Variants in CNTNAP2 observed in about 807,000 individuals in gnomAD.
The protein encoded by CNTNAP2 is contactin-associated protein-like 2.
In CNTNAP2, 98 loss-of-function variants were observed where a neutral mutation model predicts 155.2. The observed-to-expected ratio is 0.63, with a 90% CI of 0.54 to 0.75. The LOEUF (loss-of-function observed/expected upper bound fraction) is 0.75, where lower values mean the gene tolerates loss of function less well. Ranked by LOEUF, CNTNAP2 falls within the 30% of genes least tolerant of loss-of-function variation. The pLI, the probability that CNTNAP2 is intolerant of heterozygous loss-of-function variation, is 0.00. For synonymous variants in CNTNAP2, 651 were observed against 631.2 expected, an observed-to-expected ratio of 1.03 and a Z score of -0.47; for missense variants, 1,727 against 1,688.1, an observed-to-expected ratio of 1.02 and a Z score of -0.40.
At chr7:147,245,228 T>C (rs868544050) in intron 8 of CNTNAP2, among the ~76,000 whole-genome samples, 1 of 152,114 alleles carries the variant, frequency 6.6e-6, no homozygotes, top group African/African-American at 2.4e-5. Flanking sequence ...AATCATGCCA[T>C]TAAATGAGAG....
At chr7:146,757,915 A>T (rs373302412) in intron 1 of CNTNAP2, among the ~76,000 whole-genome samples, 10 of 151,890 alleles carry the variant, frequency 6.6e-5, no homozygotes, top group Non-Finnish European at 1.0e-4. Flanking sequence ...TCCATTTCCT[A>T]TTTACTTCTG....
intron 1 of CNTNAP2, among the ~76,000 whole-genome samples, chr7:146,219,437 A>G (rs1203892418): frequency 6.6e-6 from 1 of 152,240 alleles, no homozygotes; most frequent in Non-Finnish European, 1.5e-5. Context: ...ACACTTCACT[A>G]TAACTAAGTT....
chr7:147,801,475 C>G (rs1797984295), intron 13 of CNTNAP2, among the ~76,000 whole-genome samples: 1 of 151,862 alleles, frequency 6.6e-6, no homozygotes, highest in Admixed American at 6.6e-5. Context: ...CTGCGGCCTT[C>G]CGCAGTGTTT....
chr7:148,284,610 T>G (rs1310906447), intron 21 of CNTNAP2, among the ~76,000 whole-genome samples: 1 of 151,140 alleles, frequency 6.6e-6, no homozygotes, highest in African/African-American at 2.4e-5. Flanking sequence ...GTCTTCTCCT[T>G]CTGGTTTGTG....
chr7:147,264,125 A>C (rs905574364), intron 8 of CNTNAP2, among the ~76,000 whole-genome samples: 5 of 152,174 alleles, frequency 3.3e-5, no homozygotes, highest in Admixed American at 1.3e-4. Flanking sequence ...TGTTTTGAAA[A>C]GGTCAGACAA....
intron 4 of CNTNAP2, among the ~76,000 whole-genome samples, chr7:147,068,784 G>T (rs1462636890): frequency 1.3e-5 from 2 of 152,204 alleles, no homozygotes; most frequent in African/African-American, 4.8e-5. Context: ...CTTCAGAACT[G>T]CCAAATCATC....
chr7:148,144,853 C>G (rs1011680120), intron 16 of CNTNAP2, among the ~76,000 whole-genome samples: 2 of 152,116 alleles, frequency 1.3e-5, no homozygotes, highest in African/African-American at 4.8e-5. Flanking sequence ...TATGCTGTCT[C>G]CCTTTTATTC....
chr7:146,773,166 A>G (rs189857122), intron 1 of CNTNAP2, among the ~76,000 whole-genome samples: 49 of 152,306 alleles, frequency 3.2e-4, no homozygotes, highest in African/African-American at 1.2e-3. Context: ...AAAATGAGAA[A>G]GATCCATCAA....
intron 8 of CNTNAP2, among the ~76,000 whole-genome samples, chr7:147,267,146 T>G (rs1804630265): frequency 6.6e-6 from 1 of 152,206 alleles, no homozygotes; most frequent in Non-Finnish European, 1.5e-5. Flanking sequence ...AAAAAGTCAT[T>G]TAGAATAAAT....
intron 19 of CNTNAP2, among the ~76,000 whole-genome samples, chr7:148,223,934 T>C (rs376539440): frequency 2.0e-5 from 3 of 152,212 alleles, no homozygotes; most frequent in South Asian, 4.1e-4. Flanking sequence ...TGCCGGTTCC[T>C]CCGACCTCTA....
intron 13 of CNTNAP2, among the ~76,000 whole-genome samples, chr7:147,723,132 T>C (rs958995357): frequency 1.2e-4 from 18 of 151,972 alleles, no homozygotes; most frequent in Non-Finnish European, 2.2e-4. Context: ...ATGCCAACTC[T>C]CCTGCTACTG....
At chr7:146,382,519 C>G (rs1388088710) in intron 1 of CNTNAP2, among the ~76,000 whole-genome samples, 2 of 152,138 alleles carry the variant, frequency 1.3e-5, no homozygotes, top group African/African-American at 4.8e-5. Context: ...CTACACCAAA[C>G]TTACTATTAA....
At chr7:147,747,443 C>G (rs1797063357) in intron 13 of CNTNAP2, among the ~76,000 whole-genome samples, 1 of 152,124 alleles carries the variant, frequency 6.6e-6, no homozygotes, top group Admixed American at 6.5e-5. Context: ...TTTTTTATGG[C>G]TGAGTAATAT....
intron 1 of CNTNAP2, among the ~76,000 whole-genome samples, chr7:146,223,654 G>C (rs902136017): frequency 4.6e-5 from 7 of 152,160 alleles, no homozygotes; most frequent in Non-Finnish European, 7.3e-5. Context: ...TTCTTAACTG[G>C]AATAGGTAGA....
At chr7:147,081,990 A>C (rs959379265) in intron 4 of CNTNAP2, 1 of 152,134 alleles carries the variant, frequency 6.6e-6, no homozygotes, top group African/African-American at 2.4e-5. Context: ...GGATCCGAAT[A>C]ATAATGTTTA....
At chr7:146,522,266 T>C (rs983776235) in intron 1 of CNTNAP2, among the ~76,000 whole-genome samples, 12 of 152,072 alleles carry the variant, frequency 7.9e-5, no homozygotes, top group Admixed American at 3.3e-4. Context: ...AGAGGGATCA[T>C]TGAAGCACCC....
chr7:146,897,417 G>T (rs943651806), intron 3 of CNTNAP2, among the ~76,000 whole-genome samples: 2 of 151,926 alleles, frequency 1.3e-5, no homozygotes, highest in African/African-American at 4.8e-5. Context: ...TTTAAGATTT[G>T]GTCAGTAATT....
intron 5 of CNTNAP2, among the ~76,000 whole-genome samples, chr7:147,117,066 C>T (rs1801006057): frequency 6.6e-6 from 1 of 152,118 alleles, no homozygotes; most frequent in South Asian, 2.1e-4. Flanking sequence ...TTGTAGGGTG[C>T]CATGGAAATG....
intron 10 of CNTNAP2, among the ~76,000 whole-genome samples, chr7:147,398,588 A>ATTTT (rs1796860109): frequency 1.9e-5 from 1 of 52,096 alleles, no homozygotes; most frequent in Non-Finnish European, 3.9e-5. Flanking sequence ...TACGATTTGA[A>ATTTT]CTTTTTTTTT....
Sources: gnomAD v4.1 joint callset for allele counts (sites outside exome capture counted in the v4.1 genomes callset) on GRCh38, gnomAD v4.1.1 for gene constraint, MANE v1.5 for transcripts, NCBI Gene and HGNC (gene_info 2026-07-23, HGNC 2026-07-21) for gene names.